IFI44L: variants seen among roughly 807,000 people sequenced by gnomAD.
IFI44L encodes the protein interferon-induced protein 44-like.
In IFI44L, 40 loss-of-function variants were observed where a neutral mutation model predicts 39.3. The observed-to-expected ratio is 1.02, with a 90% CI of 0.79 to 1.33. The LOEUF (loss-of-function observed/expected upper bound fraction) is 1.33, where lower values mean the gene tolerates loss of function less well. Ranked by LOEUF, IFI44L falls within the 40% of genes most tolerant of loss-of-function variation. The pLI is 0.00. For missense variants in IFI44L, 623 were observed against 549.0 expected (o/e 1.13, Z -1.35); for synonymous variants, 198 against 182.3 (o/e 1.09, Z -0.69).
Position 78,635,361 on chromosome 1 carries a change from G to A in IFI44L, c.748G>A (p.Gly250Arg), listed in dbSNP as rs764195689. The change falls in exon 5 of 9, where the codon GGA becomes AGA. Residue 250 changes from glycine (G) to arginine (R), a missense_variant. Transcript: ENST00000370751. ...ERYRIYSVKD[G>R]KNGKSLPFML... ...GTATAGGATATATTCTGTTAAAGAT[G>A]GAAAAAATGGAAAATCTCTGCCATT... is the stretch of plus-strand genomic sequence containing the variant. The A allele has an allele frequency of 1.9e-6, 3 of 1,608,836 alleles. No homozygotes were observed. The East Asian group carries it at 6.7e-5, about 36-fold the overall frequency.
chr1:78,628,357 C>T lies in IFI44L; in HGVS notation c.442C>T (p.Arg148Cys), dbSNP rs273258. ...RNLKLRFYGH[R>C]QYLECEVFRV... is the part of the protein sequence containing the mutation. ...CTTGAAACTAAGGTTTTATGGCCAC[C>T]GTCAGTATTTGGAATGTGAAGTTTT... Residue 148 changes from arginine (R) to cysteine (C), a missense_variant, in exon 2 of 9, where the codon CGT becomes TGT. Arg to Cys is a radical substitution (Grantham distance 180). Transcript: ENST00000370751. 2.8e-3 allele frequency: 4,414 copies of T among 1,585,476 alleles called. 101 individuals carry two copies. The African/African-American group carries it at 0.054, about 19-fold the overall frequency.
rs1570354722 is a variant in IFI44L, at chr1:78,628,380, T to C, written c.465T>C (p.Val155=). 6 of 1,559,482 alleles carry C rather than the reference T, an allele frequency of 3.8e-6. No individual in the cohort carries two copies. Residue 155 remains valine (V), a synonymous_variant, in exon 2 of 9, where the codon GTT becomes GTC. Coordinates refer to ENST00000370751, the MANE Select transcript of IFI44L (RefSeq NM_006820.4). ...YGHRQYLECE[V]FRVEGIKDNL... is the part of the protein sequence containing the mutation. ...ACCGTCAGTATTTGGAATGTGAAGT[T>C]TTTCGAGTTGAAGGTTTGTAAAATT...
intron 4 of IFI44L, among the ~76,000 whole-genome samples, chr1:78,634,680 A>G (rs995199754): frequency 2.6e-5 from 4 of 152,170 alleles, no homozygotes; most frequent in African/African-American, 9.7e-5. Flanking sequence ...TAAAATTCAG[A>G]ATACTCATAC....
chr1:78,626,036 C>T (rs1030123140), intron 1 of IFI44L: 1 of 151,624 alleles, frequency 6.6e-6, no homozygotes, highest in African/African-American at 2.4e-5. Context: ...TGTAGAATAT[C>T]TCTTCTATAT....
intron 4 of IFI44L, among the ~76,000 whole-genome samples, chr1:78,634,578 T>C (rs529468216): frequency 1.3e-5 from 2 of 152,226 alleles, no homozygotes; most frequent in South Asian, 4.1e-4. Context: ...CTTACAAGAA[T>C]GTTAAAGCGA....
Position 78,641,820 on chromosome 1 carries a change from C to T in IFI44L, c.*11C>T. 1 of 1,613,146 alleles carries T rather than the reference C, an allele frequency of 6.2e-7. No homozygotes were observed. The highest frequency in any genetic ancestry group is 8.5e-7 in the Non-Finnish European group (1 of 1,179,178). On this transcript the variant is annotated 3_prime_UTR_variant, in exon 9 of 9. Coordinates refer to ENST00000370751, the MANE Select transcript of IFI44L (RefSeq NM_006820.4). ...CAGCCCTGCATTTGAGATAAGTTGC[C>T]TTGATTCTGACATTTGGCCCAGCCT...
At chr1:78,629,606 T>G in intron 3 of IFI44L, 114 bp from the exon 4 acceptor site, 1 of 591,748 alleles carries the variant, frequency 1.7e-6, no homozygotes, top group Non-Finnish European at 2.8e-6. Context: ...AATTAAGTAT[T>G]GAAAAAATAC....
chr1:78,625,427 G>T (rs948883404), intron 1 of IFI44L, among the ~76,000 whole-genome samples: 2 of 152,018 alleles, frequency 1.3e-5, no homozygotes, highest in Non-Finnish European at 2.9e-5. Context: ...ATTTTACAAA[G>T]TTGTTTATCT....
intron 2 of IFI44L, chr1:78,628,618 C>T: frequency 1.9e-6 from 1 of 531,438 alleles, no homozygotes; most frequent in South Asian, 2.7e-5. Flanking sequence ...AATATATGTG[C>T]AGAGATAGAG....
At chr1:78,635,097 G>A (rs955559294) in intron 4 of IFI44L, among the ~76,000 whole-genome samples, 2 of 150,098 alleles carry the variant, frequency 1.3e-5, no homozygotes, top group Non-Finnish European at 3.0e-5. Context: ...TAATTAAAAA[G>A]GAATATTTAC....
chr1:78,623,919 C>T (rs1322548173), intron 1 of IFI44L, among the ~76,000 whole-genome samples: 1 of 152,108 alleles, frequency 6.6e-6, no homozygotes, highest in Non-Finnish European at 1.5e-5. Flanking sequence ...CATGTTGGAT[C>T]TTTTTTATGC....
At chr1:78,638,927 T>C (rs1653050105) in intron 6 of IFI44L, among the ~76,000 whole-genome samples, 1 of 152,140 alleles carries the variant, frequency 6.6e-6, no homozygotes, top group Non-Finnish European at 1.5e-5. Context: ...TTTATGACTC[T>C]GGATCTTACA....
chr1:78,635,387 T>G lies in IFI44L; in HGVS notation c.774T>G (p.Phe258Leu), dbSNP rs556994784. The G allele has an allele frequency of 6.2e-7, 1 of 1,612,780 alleles. No homozygotes were observed. Among genetic ancestry groups the G allele is most frequent in the East Asian group, 2.2e-5 (1 of 44,838 alleles). Reference protein sequence around the residue: ...KDGKNGKSLPFMLCDTMGLDG... With the variant: ...KDGKNGKSLPLMLCDTMGLDG... ...GAAAAAATGGAAAATCTCTGCCATTTATGTTGTGTGACACTATGGGGCTAG... is the reference window on the plus strand; with the variant it reads ...GAAAAAATGGAAAATCTCTGCCATTGATGTTGTGTGACACTATGGGGCTAG... Residue 258 changes from phenylalanine to leucine, a missense_variant, in exon 5 of 9, where the codon TTT (phenylalanine) becomes TTG (leucine). Transcript: ENST00000370751.
At chr1:78,640,386 G>C (rs1225886105) in intron 6 of IFI44L, among the ~76,000 whole-genome samples, 3 of 152,090 alleles carry the variant, frequency 2.0e-5, no homozygotes, top group Non-Finnish European at 4.4e-5. Context: ...ATGAAGAGAA[G>C]GTAGTAAAGG....
chr1:78,636,163 T>C (rs1369673473), intron 5 of IFI44L, among the ~76,000 whole-genome samples: 1 of 152,102 alleles, frequency 6.6e-6, no homozygotes, highest in Admixed American at 6.6e-5. Flanking sequence ...TTGTGCTGAA[T>C]TGGAAACCTT....
At chr1:78,629,564 CATATT>C (rs767295336) in intron 3 of IFI44L, 151 bp from the exon 4 acceptor site, 26 of 487,146 alleles carry the variant, frequency 5.3e-5, no homozygotes, top group Non-Finnish European at 8.8e-5. Flanking sequence ...TATTTCAAAT[CATATT>C]ATAGAAGATC....
chr1:78,632,924 T>G (rs1014272886), intron 4 of IFI44L, among the ~76,000 whole-genome samples: 1 of 152,200 alleles, frequency 6.6e-6, no homozygotes, highest in Non-Finnish European at 1.5e-5. Flanking sequence ...TATAATTGAA[T>G]TTTTAATGAT....
rs548483514 is a variant in IFI44L at position 78,643,692 on chromosome 1, G to C, written c.*1883G>C. 1 of 134,114 alleles carries C rather than the reference G, an allele frequency of 7.5e-6. No individual in the cohort carries two copies. Among genetic ancestry groups the C allele is most frequent in the South Asian group, 2.4e-4 (1 of 4,090 alleles). 8.3% of individuals were successfully genotyped at this position (134,114 alleles called of 1,614,324 possible). On this transcript the variant is annotated 3_prime_UTR_variant, in exon 9 of 9. Coordinates refer to ENST00000370751, the MANE Select transcript of IFI44L (RefSeq NM_006820.4). Reference sequence around the variant, plus strand: ...TGTTTTTTTGCTGAGTCAATTCCTTGGAGGGGGTCTTCAGACTGACTGGTG... The same window carrying C: ...TGTTTTTTTGCTGAGTCAATTCCTTCGAGGGGGTCTTCAGACTGACTGGTG...
chr1:78,631,202 T>C (rs1652736801), intron 4 of IFI44L, among the ~76,000 whole-genome samples: 1 of 152,162 alleles, frequency 6.6e-6, no homozygotes, highest in Non-Finnish European at 1.5e-5. Context: ...ATTTTATTGC[T>C]TAAAAGACTC....
Sources: allele counts gnomAD v4.1 joint callset (sites outside exome capture counted in the v4.1 genomes callset), GRCh38; gene constraint gnomAD v4.1.1; transcripts MANE v1.5; gene names NCBI Gene and HGNC (gene_info 2026-07-23, HGNC 2026-07-21).